DOCK5: variants seen among roughly 807,000 people sequenced by gnomAD.
DOCK5 encodes dedicator of cytokinesis protein 5.
Under a neutral mutation model 251.8 loss-of-function variants are expected in DOCK5, and 142 were observed. The ratio of observed to expected loss-of-function variants is 0.56; its 90% confidence interval spans 0.49 to 0.65. The LOEUF (loss-of-function observed/expected upper bound fraction) is 0.65. DOCK5 is among the 30% of genes least tolerant of loss of function. The pLI, the probability that DOCK5 is intolerant of heterozygous loss-of-function variation, is 0.00. For synonymous variants in DOCK5, 842 were observed against 835.5 expected, an observed-to-expected ratio of 1.01 and a Z score of -0.13; for missense variants, 2,111 against 2,312.3, an observed-to-expected ratio of 0.91 and a Z score of 1.79.
At chr8:25,364,873 C>A in intron 30 of DOCK5, 169 bp downstream of exon 30, 2 of 502,406 alleles carry the variant, frequency 4.0e-6, no homozygotes, top group South Asian at 6.5e-5. Context: ...CCTCCAAACA[C>A]AACAAAATAG....
At chr8:25,357,371 A>C (rs1433248858) in intron 27 of DOCK5, among the ~76,000 whole-genome samples, 1 of 139,278 alleles carries the variant, frequency 7.2e-6, no homozygotes, top group East Asian at 2.3e-4. Flanking sequence ...TGAAAAAATA[A>C]ACTTTTTTTT....
At chr8:25,289,140 A>C (rs749420075) in intron 5 of DOCK5, among the ~76,000 whole-genome samples, 2 of 152,008 alleles carry the variant, frequency 1.3e-5, no homozygotes, top group Non-Finnish European at 2.9e-5. Flanking sequence ...TTTCCTCCTC[A>C]TTTATTCTTT....
At chr8:25,357,165 T>A (rs1800590403) in intron 27 of DOCK5, among the ~76,000 whole-genome samples, 1 of 151,344 alleles carries the variant, frequency 6.6e-6, no homozygotes, top group African/African-American at 2.4e-5. Context: ...GAAATGAAAG[T>A]GCAAAGTGAG....
intron 40 of DOCK5, chr8:25,388,759 G>T: frequency 4.4e-6 from 1 of 225,268 alleles, no homozygotes; most frequent in Admixed American, 5.0e-5. Flanking sequence ...CAGCATGCCT[G>T]TGGATGTCAT....
intron 51 of DOCK5, among the ~76,000 whole-genome samples, chr8:25,410,922 C>CGAGAGAGA (rs10652253): frequency 2.3e-3 from 219 of 96,724 alleles, no homozygotes; most frequent in Non-Finnish European, 2.4e-3. Flanking sequence ...GATATGGCAG[C>CGAGAGAGA]GAGAGAGAGA....
chr8:25,219,650 G>A (rs1038722962), intron 1 of DOCK5, among the ~76,000 whole-genome samples: 3 of 151,502 alleles, frequency 2.0e-5, no homozygotes, highest in Admixed American at 2.0e-4. Context: ...GAACTTGAAA[G>A]TGTTTTCCCA....
At chr8:25,342,753 C>T (rs1156878845) in intron 25 of DOCK5, among the ~76,000 whole-genome samples, 9 of 119,078 alleles carry the variant, frequency 7.6e-5, no homozygotes, top group Non-Finnish European at 1.3e-4. Flanking sequence ...GGCTGGAGTG[C>T]AGTGGCGCAA....
intron 2 of DOCK5, among the ~76,000 whole-genome samples, chr8:25,267,491 T>C (rs1465295639): frequency 6.6e-6 from 1 of 152,258 alleles, no homozygotes; most frequent in African/African-American, 2.4e-5. Context: ...ATTTTTTGGT[T>C]GATTTCATGT....
intron 18 of DOCK5, among the ~76,000 whole-genome samples, chr8:25,326,569 G>A (rs554812895): frequency 1.7e-4 from 26 of 152,214 alleles, no homozygotes; most frequent in South Asian, 1.0e-3. Flanking sequence ...TGACAAAACC[G>A]TCAGCAACAT....
intron 2 of DOCK5, among the ~76,000 whole-genome samples, chr8:25,260,811 A>G (rs1234461721): frequency 6.7e-6 from 1 of 149,508 alleles, no homozygotes; most frequent in Non-Finnish European, 1.5e-5. Flanking sequence ...TTTTTTTTTT[A>G]AACGGACAGA....
chr8:25,318,512 T>G, intron 14 of DOCK5, among the ~76,000 whole-genome samples: 1 of 77,934 alleles, frequency 1.3e-5, no homozygotes, highest in Admixed American at 1.8e-4. Flanking sequence ...CCTCCCCCAC[T>G]TCCCCTCCCC....
chr8:25,340,855 C>T (rs1203399742), intron 22 of DOCK5, 22 bp from the exon 23 acceptor site: 1 of 1,599,996 alleles, frequency 6.3e-7, no homozygotes, highest in Non-Finnish European at 8.5e-7. Flanking sequence ...AGTCCAACTG[C>T]TTTTGTCTTT....
At chr8:25,189,763 T>C (rs1195383516) in intron 1 of DOCK5, among the ~76,000 whole-genome samples, 1 of 152,264 alleles carries the variant, frequency 6.6e-6, no homozygotes, top group African/African-American at 2.4e-5. Context: ...ACTAGTTAGC[T>C]CTTCAGGTGT....
chr8:25,325,608 G>A (rs1380585702), intron 18 of DOCK5, 61 bp downstream of exon 18: 6 of 1,584,664 alleles, frequency 3.8e-6, no homozygotes, highest in Admixed American at 3.5e-5. Flanking sequence ...TGGGCTCCTT[G>A]GTTAGGCTCA....
chr8:25,411,369 T>C lies in DOCK5; in HGVS notation c.*71T>C, dbSNP rs1801629840. 1.5e-6 allele frequency: 2 copies of C among 1,362,436 alleles called. No homozygotes were observed. The highest frequency in any genetic ancestry group is 3.1e-5 in the East Asian group (1 of 32,094). 84.4% of individuals were successfully genotyped at this position (1,362,436 alleles called of 1,614,324 possible). A position where few individuals can be genotyped will look rare whatever the true frequency, so the allele number is the denominator to read the frequency against. On this transcript the variant is annotated 3_prime_UTR_variant, in exon 52 of 52. Transcript: ENST00000276440. ...CCTGAGAACTGGCCTCCAGCCGGTG[T>C]CCTCATTCCATGGGGCTCCCTGCTG...
At chr8:25,300,058 A>G (rs963202688) in intron 8 of DOCK5, among the ~76,000 whole-genome samples, 2 of 152,092 alleles carry the variant, frequency 1.3e-5, no homozygotes, top group East Asian at 3.9e-4. Flanking sequence ...GGCACCTGCC[A>G]CCATGCCCAA....
intron 13 of DOCK5, among the ~76,000 whole-genome samples, chr8:25,312,333 G>T (rs1805121463): frequency 1.3e-5 from 2 of 152,204 alleles, no homozygotes; most frequent in Admixed American, 1.3e-4. Flanking sequence ...AGCAGGGTTG[G>T]CTTCTCCTGA....
chr8:25,238,113 C>T (rs1209597579), intron 1 of DOCK5, among the ~76,000 whole-genome samples: 1 of 152,188 alleles, frequency 6.6e-6, no homozygotes, highest in Non-Finnish European at 1.5e-5. Flanking sequence ...TCACCAGTCA[C>T]TGATGTGTGT....
At chr8:25,213,392 A>AT (rs1802152067) in intron 1 of DOCK5, among the ~76,000 whole-genome samples, 1 of 150,416 alleles carries the variant, frequency 6.6e-6, no homozygotes. Flanking sequence ...AAAGCTGATA[A>AT]TCTCTAGGTT....
Sources: gnomAD v4.1 joint callset for allele counts (sites outside exome capture counted in the v4.1 genomes callset) on GRCh38, gnomAD v4.1.1 for gene constraint, MANE v1.5 for transcripts, NCBI Gene and HGNC (gene_info 2026-07-23, HGNC 2026-07-21) for gene names.